Variants in CD8B observed in about 807,000 individuals in gnomAD.
CD8B encodes CD8 subunit beta, also known as T-cell surface glycoprotein CD8 beta chain.
CD8B carries 6 observed loss-of-function variants against 24.2 expected under a neutral mutation model. The observed-to-expected ratio is 0.25, with a 90% CI of 0.14 to 0.49. The LOEUF (loss-of-function observed/expected upper bound fraction) is 0.49. Among genes scored for constraint, CD8B ranks in the 20% least tolerant of loss-of-function variants. CD8B has a pLI of 0.98. For missense variants in CD8B, 196 were observed against 271.3 expected, an observed-to-expected ratio of 0.72 and a Z score of 1.95; for synonymous variants, 84 against 108.3, an observed-to-expected ratio of 0.78 and a Z score of 1.39.
At position 86,838,605 on chromosome 2, in the gene CD8B, C is replaced by G. The variant is rs1273244001; in HGVS notation, c.*3702G>C. Among the ~76,000 whole-genome samples, 2 of 152,048 alleles carry G rather than the reference C, an allele frequency of 1.3e-5. No homozygotes were observed. Among genetic ancestry groups the G allele is most frequent in the Non-Finnish European group, 2.9e-5 (2 of 68,020 alleles). ...TCTGAAACTCCTGGGGTCAGGAGAT[C>G]CTCCCACCTCATCCTCCCTAATAGC... On this transcript the variant is annotated 3_prime_UTR_variant, in exon 6 of 6. Coordinates refer to ENST00000390655, the MANE Select transcript of CD8B (RefSeq NM_004931.5).
chr2:86,845,006 T>C (rs1293923358), intron 4 of CD8B, 48 bp from the exon 5 acceptor site: 2 of 1,554,534 alleles, frequency 1.3e-6, no homozygotes, highest in South Asian at 1.2e-5. Context: ...TGTGGGTCAC[T>C]GCGCTGAGCC....
intron 5 of CD8B, among the ~76,000 whole-genome samples, chr2:86,824,456 G>A (rs1674599438): frequency 6.6e-6 from 1 of 152,244 alleles, no homozygotes; most frequent in South Asian, 2.1e-4. Flanking sequence ...CAAAGGGCAA[G>A]AAGCCACGTG....
chr2:86,825,581 T>C (rs1451638915), intron 5 of CD8B, among the ~76,000 whole-genome samples: 1 of 152,108 alleles, frequency 6.6e-6, no homozygotes, highest in Non-Finnish European at 1.5e-5. Context: ...CCCAGGCACC[T>C]CTCAGGTGGG....
chr2:86,851,995 G>T (rs1573521970), intron 3 of CD8B, among the ~76,000 whole-genome samples: 1 of 152,278 alleles, frequency 6.6e-6, no homozygotes, highest in Non-Finnish European at 1.5e-5. Context: ...TTGAGACAGG[G>T]TCTGGCTCTA....
At position 86,841,854 on chromosome 2, in the gene CD8B, G is replaced by A. The variant is rs1675444259; in HGVS notation, c.*453C>T. The A allele has an allele frequency of 2.0e-6, 2 of 986,328 alleles. No individual in the cohort carries two copies. The highest frequency in any genetic ancestry group is 9.4e-5 in the South Asian group (2 of 21,316). The allele number at this position is 986,328 out of a possible 1,614,324, so 61.1% of individuals were successfully genotyped here. ...TTCCCAACCTGCACCTGGCCTCTCT[G>A]CGAGGAAGGTCAGCCCCAGCCTGGG... On this transcript the variant is annotated 3_prime_UTR_variant, in exon 6 of 6. Transcript: ENST00000390655.
At chr2:86,822,218 CACTTAT>C (rs1674506006) in intron 5 of CD8B, 1 of 632,122 alleles carries the variant, frequency 1.6e-6, no homozygotes, top group African/African-American at 1.9e-5. Flanking sequence ...ATGTGTTTTC[CACTTAT>C]ACCCCAGCAG....
At chr2:86,859,300 A>G (rs1676451872) in intron 1 of CD8B, among the ~76,000 whole-genome samples, 1 of 152,064 alleles carries the variant, frequency 6.6e-6, no homozygotes, top group South Asian at 2.1e-4. Flanking sequence ...CTGGGAGTTC[A>G]TCTTAGACTC....
At chr2:86,848,502 G>A (rs1409631077) in intron 3 of CD8B, among the ~76,000 whole-genome samples, 2 of 151,940 alleles carry the variant, frequency 1.3e-5, no homozygotes, top group African/African-American at 2.4e-5. Flanking sequence ...CCTGTGGCTG[G>A]TCCCTTGAGT....
chr2:86,837,430 G>A (rs1675220566), downstream of CD8B, among the ~76,000 whole-genome samples: 2 of 152,148 alleles, frequency 1.3e-5, no homozygotes, highest in African/African-American at 4.8e-5. Flanking sequence ...TTTGAGTTAT[G>A]TAACTGGGAG....
At chr2:86,830,321 C>T (rs765240236) in intron 5 of CD8B, among the ~76,000 whole-genome samples, 1 of 152,186 alleles carries the variant, frequency 6.6e-6, no homozygotes, top group Non-Finnish European at 1.5e-5. Flanking sequence ...TGGCTCACAC[C>T]TGTAATCACA....
At chr2:86,828,147 G>A (rs978106337) in intron 5 of CD8B, among the ~76,000 whole-genome samples, 1 of 152,284 alleles carries the variant, frequency 6.6e-6, no homozygotes, top group African/African-American at 2.4e-5. Flanking sequence ...AAATGGAACA[G>A]TACCAAACGC....
intron 3 of CD8B, among the ~76,000 whole-genome samples, chr2:86,850,237 G>A (rs1420982098): frequency 6.6e-6 from 1 of 152,110 alleles, no homozygotes; most frequent in Non-Finnish European, 1.5e-5. Flanking sequence ...CCACACCAAC[G>A]ACACCCCCAG....
chr2:86,824,345 TG>T (rs765780303), intron 5 of CD8B, among the ~76,000 whole-genome samples: 2 of 152,140 alleles, frequency 1.3e-5, no homozygotes, highest in Non-Finnish European at 2.9e-5. Context: ...ACCCCCATTT[TG>T]TTCTGCATCT....
intron 5 of CD8B, among the ~76,000 whole-genome samples, chr2:86,817,283 C>G (rs1364421208): frequency 6.6e-6 from 1 of 152,006 alleles, no homozygotes; most frequent in Non-Finnish European, 1.5e-5. Flanking sequence ...GATGCTCTGG[C>G]CCCAGAACTT....
At position 86,838,632 on chromosome 2, in the gene CD8B, G is replaced by T. The variant is rs2104532593; in HGVS notation, c.*3675C>A. Among the ~76,000 whole-genome samples, 1 of 152,140 alleles carries T rather than the reference G, an allele frequency of 6.6e-6. No homozygotes were observed. Among genetic ancestry groups the T allele is most frequent in the African/African-American group, 2.4e-5 (1 of 41,508 alleles). ...TCCCACCTCATCCTCCCTAATAGCT[G>T]GGACTACAGGCAAGCACCACCATGC... On this transcript the variant is annotated 3_prime_UTR_variant, in exon 6 of 6. Coordinates refer to ENST00000390655, the MANE Select transcript of CD8B (RefSeq NM_004931.5).
chr2:86,859,445 A>G (rs1676458819), intron 1 of CD8B, among the ~76,000 whole-genome samples: 2 of 152,162 alleles, frequency 1.3e-5, no homozygotes, highest in Non-Finnish European at 2.9e-5. Flanking sequence ...CTGTCTTCTT[A>G]TGAACGGAGG....
downstream of CD8B, among the ~76,000 whole-genome samples, chr2:86,837,867 A>T (rs908399025): frequency 5.5e-4 from 84 of 152,250 alleles, no homozygotes; most frequent in African/African-American, 1.9e-3. Context: ...CAGAAAAGGA[A>T]GTACTATAGA....
chr2:86,836,056 A>G (rs1056905666), downstream of CD8B, among the ~76,000 whole-genome samples: 7 of 148,132 alleles, frequency 4.7e-5, no homozygotes, highest in African/African-American at 1.7e-4. Context: ...GGGATTGTCC[A>G]TTGTACTTGG....
At chr2:86,853,336 G>A (rs994540970) in intron 2 of CD8B, among the ~76,000 whole-genome samples, 4 of 151,954 alleles carry the variant, frequency 2.6e-5, no homozygotes, top group African/African-American at 9.7e-5. Context: ...CAGCTACCCA[G>A]GAGGCTGAGG....
Sources: allele counts gnomAD v4.1 joint callset (sites outside exome capture counted in the v4.1 genomes callset), GRCh38; gene constraint gnomAD v4.1.1; transcripts MANE v1.5; gene names NCBI Gene and HGNC (gene_info 2026-07-23, HGNC 2026-07-21).